TBCK: variants seen among roughly 807,000 people sequenced by gnomAD.
The protein encoded by TBCK is TBC domain-containing protein kinase-like protein.
A neutral mutation model predicts 113.4 loss-of-function variants in TBCK; 99 were observed. The ratio of observed to expected loss-of-function variants is 0.87; its 90% CI spans 0.74 to 1.03. TBCK has a LOEUF of 1.03. Among genes scored for constraint, TBCK ranks in the 50% least tolerant of loss-of-function variants. The probability of loss-of-function intolerance (pLI) is 0.00; values close to 1 mark genes in which losing one functional copy is unlikely to be tolerated. For synonymous variants in TBCK, 369 were observed against 370.8 expected, an observed-to-expected ratio of 1.00 and a Z score of 0.05; for missense variants, 1,045 against 1,061.3, an observed-to-expected ratio of 0.98 and a Z score of 0.21.
chr4:106,170,225 C>T (rs1401170224), intron 23 of TBCK, among the ~76,000 whole-genome samples: 1 of 152,098 alleles, frequency 6.6e-6, no homozygotes. Context: ...AGGCAGAAGA[C>T]AACTACTACT....
chr4:106,141,606 C>A (rs906482955), intron 23 of TBCK, among the ~76,000 whole-genome samples: 1 of 139,942 alleles, frequency 7.1e-6, no homozygotes, highest in East Asian at 2.0e-4. Flanking sequence ...GTATCAAAAA[C>A]AATCAAATAA....
At chr4:106,092,409 C>T (rs1487412729) in intron 25 of TBCK, among the ~76,000 whole-genome samples, 1 of 152,252 alleles carries the variant, frequency 6.6e-6, no homozygotes, top group South Asian at 2.1e-4. Context: ...CACTCCTCAG[C>T]CCTTGGGCAG....
chr4:106,193,025 T>C (rs1456289537), intron 22 of TBCK, among the ~76,000 whole-genome samples: 7 of 152,178 alleles, frequency 4.6e-5, no homozygotes, highest in Admixed American at 4.6e-4. Context: ...GCTCAGACTA[T>C]AGTTATCCAT....
intron 20 of TBCK, among the ~76,000 whole-genome samples, chr4:106,207,203 A>G (rs13101612): frequency 0.6 from 91,080 of 152,002 alleles, 27,572 homozygotes; most frequent in Non-Finnish European, 0.64. Flanking sequence ...TAATCTAGGC[A>G]TCACATCAGT....
At chr4:106,215,161 A>G (rs1425137516) in intron 19 of TBCK, among the ~76,000 whole-genome samples, 1 of 151,964 alleles carries the variant, frequency 6.6e-6, no homozygotes, top group Non-Finnish European at 1.5e-5. Context: ...AGACAAGCAA[A>G]TGCTGAGAGA....
At chr4:106,049,619 G>A (rs556321324) in intron 25 of TBCK, among the ~76,000 whole-genome samples, 4 of 152,058 alleles carry the variant, frequency 2.6e-5, no homozygotes, top group East Asian at 3.9e-4. Context: ...GGCATCTAGG[G>A]TATAGGGTTT....
intron 3 of TBCK, among the ~76,000 whole-genome samples, chr4:106,280,856 T>A (rs1263654457): frequency 6.6e-6 from 1 of 152,080 alleles, no homozygotes; most frequent in Non-Finnish European, 1.5e-5. Flanking sequence ...GTCAGTAAAT[T>A]TGAATCCTCC....
At chr4:106,159,389 A>G (rs75770211) in intron 23 of TBCK, among the ~76,000 whole-genome samples, 3 of 152,074 alleles carry the variant, frequency 2.0e-5, no homozygotes, top group Non-Finnish European at 2.9e-5. Context: ...AATACCCTAA[A>G]CATTACACAA....
chr4:106,301,319 G>C (rs1361033597), intron 2 of TBCK, among the ~76,000 whole-genome samples: 1 of 151,584 alleles, frequency 6.6e-6, no homozygotes, highest in Non-Finnish European at 1.5e-5. Context: ...TTTTATTCTT[G>C]ATTTCACCAG....
rs912045566 is a variant in TBCK, at chr4:106,231,278, T to C, written c.1690+451A>G. Among the ~76,000 whole-genome samples, 98 of 151,772 alleles carry C rather than the reference T, an allele frequency of 6.5e-4. 1 individual carries two copies. Among genetic ancestry groups the C allele is most frequent in the African/African-American group, 2.3e-3 (96 of 41,496 alleles). ...GTCAAAAAATATTACAACATTAGTA[T>C]ATAAGTATTAGAATACAAGATAGAC... On this transcript the variant is annotated intron_variant, in intron 18 of 25. Coordinates refer to ENST00000394708, the MANE Select transcript of TBCK (RefSeq NM_001163435.3).
chr4:106,094,866 T>C (rs1000792571), intron 25 of TBCK, among the ~76,000 whole-genome samples: 1 of 152,218 alleles, frequency 6.6e-6, no homozygotes, highest in African/African-American at 2.4e-5. Context: ...CTAGATACCT[T>C]CTCTGGCTGC....
intron 25 of TBCK, among the ~76,000 whole-genome samples, chr4:106,050,306 A>G (rs1734666098): frequency 6.6e-6 from 1 of 152,038 alleles, no homozygotes; most frequent in Non-Finnish European, 1.5e-5. Context: ...AAAAAACGGT[A>G]AGATGCAATA....
chr4:106,147,399 C>G (rs921933125), intron 23 of TBCK, among the ~76,000 whole-genome samples: 7 of 152,172 alleles, frequency 4.6e-5, no homozygotes, highest in Non-Finnish European at 8.8e-5. Flanking sequence ...TTCATCCATG[C>G]ACTGGAGAAT....
At position 106,251,849 on chromosome 4, in the gene TBCK, T is replaced by C; in HGVS notation, c.597+17A>G. 1.3e-6 allele frequency: 2 copies of C among 1,500,722 alleles called. No individual in the cohort carries two copies. The highest frequency in any genetic ancestry group is 1.4e-5 in the African/African-American group (1 of 71,444). The allele number at this position is 1,500,722 out of a possible 1,614,324, so 93.0% of individuals were successfully genotyped here. Reference sequence around the variant, plus strand: ...GCACAATTTCCTTTTATTATATTAATATTTCTTTATACATACCACACAAAG... The same window carrying C: ...GCACAATTTCCTTTTATTATATTAACATTTCTTTATACATACCACACAAAG... On this transcript the variant is annotated intron_variant, in intron 6 of 25. Coordinates refer to ENST00000394708, the MANE Select transcript of TBCK (RefSeq NM_001163435.3).
intron 2 of TBCK, among the ~76,000 whole-genome samples, chr4:106,299,082 A>G (rs1766640867): frequency 6.6e-6 from 1 of 152,212 alleles, no homozygotes; most frequent in Admixed American, 6.5e-5. Flanking sequence ...CAGTAGTTGC[A>G]CACAGGTGCA....
At chr4:106,109,983 A>G (rs1323032143) in intron 24 of TBCK, among the ~76,000 whole-genome samples, 1 of 151,832 alleles carries the variant, frequency 6.6e-6, no homozygotes, top group East Asian at 1.9e-4. Context: ...CGAAGGTTAC[A>G]TAACAAGGGG....
intron 5 of TBCK, among the ~76,000 whole-genome samples, chr4:106,257,894 G>A (rs1233649124): frequency 2.0e-5 from 3 of 151,820 alleles, no homozygotes; most frequent in Non-Finnish European, 2.9e-5. Context: ...CAAATGCAAT[G>A]GTATACTTTT....
At chr4:106,219,293 C>T (rs189888388) in intron 19 of TBCK, among the ~76,000 whole-genome samples, 3,744 of 150,728 alleles carry the variant, frequency 0.025, 146 homozygotes, top group African/African-American at 0.088. Flanking sequence ...GTGGGTGCAG[C>T]ACACCAGCAT....
chr4:106,094,914 C>T (rs1323743112), intron 25 of TBCK, among the ~76,000 whole-genome samples: 1 of 152,176 alleles, frequency 6.6e-6, no homozygotes, highest in Non-Finnish European at 1.5e-5. Flanking sequence ...TCATACTAAG[C>T]TACAGTCTTC....
Sources: allele counts gnomAD v4.1 joint callset (sites outside exome capture counted in the v4.1 genomes callset), GRCh38; gene constraint gnomAD v4.1.1; transcripts MANE v1.5; gene names NCBI Gene and HGNC (gene_info 2026-07-23, HGNC 2026-07-21).